The following KHDRBS2 variants were observed in gnomAD, a reference collection of about 807,000 sequenced individuals.
KHDRBS2 encodes the protein KH RNA binding domain containing, signal transduction associated 2.
In KHDRBS2, 26 loss-of-function variants were observed where a neutral mutation model predicts 44.3. The observed-to-expected ratio is 0.59, with a 90% CI of 0.43 to 0.81. The LOEUF (loss-of-function observed/expected upper bound fraction) is 0.81. Ranked by LOEUF, KHDRBS2 falls within the 40% of genes least tolerant of loss-of-function variation. The pLI is 0.00. For synonymous variants in KHDRBS2, 194 were observed against 151.1 expected (o/e 1.28, Z -2.08); for missense variants, 476 against 433.1 (o/e 1.10, Z -0.88).
Position 61,740,607 on chromosome 6 carries a change from G to T in KHDRBS2, c.811-7843C>A, listed in dbSNP as rs574930020. On this transcript the variant is annotated intron_variant, in intron 6 of 8. Transcript: ENST00000281156. ...CATAGTTACTGTAAAGTCCCTGAATGATAACTCTAACATCTGAATTACCCA... is the reference window on the plus strand; with the variant it reads ...CATAGTTACTGTAAAGTCCCTGAATTATAACTCTAACATCTGAATTACCCA... Among the ~76,000 whole-genome samples the T allele has an allele frequency of 1.6e-3, 237 of 151,980 alleles. 1 individual carries two copies. Among genetic ancestry groups the T allele is most frequent in the African/African-American group, 5.3e-3 (221 of 41,512 alleles).
chr6:61,545,655 CCT>C, the KHDRBS2 span, among the ~76,000 whole-genome samples: 2 of 151,930 alleles, frequency 1.3e-5, no homozygotes, highest in African/African-American at 4.8e-5. Context: ...AAACTGAGAT[CCT>C]CTCTGTTATA....
chr6:61,711,041 C>G (rs953907250), intron 7 of KHDRBS2, among the ~76,000 whole-genome samples: 1 of 150,420 alleles, frequency 6.6e-6, no homozygotes, highest in Non-Finnish European at 1.5e-5. Flanking sequence ...TAATCAAAGC[C>G]TGAGCAATAC....
intron 6 of KHDRBS2, among the ~76,000 whole-genome samples, chr6:61,737,303 G>A (rs1273767136): frequency 1.3e-5 from 2 of 152,144 alleles, no homozygotes; most frequent in Non-Finnish European, 1.5e-5. Flanking sequence ...ATAGTGCAAT[G>A]TTCCCCACAT....
At chr6:61,712,576 A>G (rs749997576) in intron 7 of KHDRBS2, among the ~76,000 whole-genome samples, 7 of 151,902 alleles carry the variant, frequency 4.6e-5, no homozygotes, top group Non-Finnish European at 8.8e-5. Context: ...TTGGAACTGG[A>G]CAGAAACCAG....
intron 1 of KHDRBS2, among the ~76,000 whole-genome samples, chr6:62,220,017 TAAAA>T (rs1244241875): frequency 3.3e-5 from 5 of 150,040 alleles, no homozygotes; most frequent in African/African-American, 4.9e-5. Context: ...TTTTTAAAAA[TAAAA>T]AAGACAAAGA....
intron 3 of KHDRBS2, among the ~76,000 whole-genome samples, chr6:62,029,141 A>C (rs548028976): frequency 6.6e-6 from 1 of 152,108 alleles, no homozygotes; most frequent in South Asian, 2.1e-4. Flanking sequence ...TTATATTTTA[A>C]ATTTTTATAT....
chr6:61,859,793 A>T (rs1275800932), intron 6 of KHDRBS2, among the ~76,000 whole-genome samples: 1 of 152,038 alleles, frequency 6.6e-6, no homozygotes, highest in African/African-American at 2.4e-5. Flanking sequence ...GAAAAAGGCA[A>T]TTGAGAAGAG....
At chr6:62,254,467 G>T (rs1466778725) in intron 1 of KHDRBS2, among the ~76,000 whole-genome samples, 1 of 152,034 alleles carries the variant, frequency 6.6e-6, no homozygotes, top group Non-Finnish European at 1.5e-5. Context: ...GAGGTTACTT[G>T]ATTTATACCA....
At chr6:62,048,965 C>T (rs1243973959) in intron 2 of KHDRBS2, among the ~76,000 whole-genome samples, 1 of 151,556 alleles carries the variant, frequency 6.6e-6, no homozygotes, top group Non-Finnish European at 1.5e-5. Flanking sequence ...TTTTCCTTTT[C>T]TCTTCCCTTC....
chr6:62,057,763 G>GTT (rs1394919844), intron 2 of KHDRBS2, among the ~76,000 whole-genome samples: 1 of 151,866 alleles, frequency 6.6e-6, no homozygotes, highest in East Asian at 1.9e-4. Flanking sequence ...ATTCACACGT[G>GTT]TTTAAGACAA....
At chr6:62,160,722 G>C (rs2150111578) in intron 2 of KHDRBS2, among the ~76,000 whole-genome samples, 1 of 152,240 alleles carries the variant, frequency 6.6e-6, no homozygotes, top group Non-Finnish European at 1.5e-5. Context: ...AGAAAACGAT[G>C]ACTTAGGCCA....
chr6:61,741,834 T>C (rs945660619), intron 6 of KHDRBS2, among the ~76,000 whole-genome samples: 1 of 151,982 alleles, frequency 6.6e-6, no homozygotes, highest in African/African-American at 2.4e-5. Context: ...ATATGAAATG[T>C]CATTCTGACT....
At chr6:61,902,680 A>C (rs1337922678) in intron 4 of KHDRBS2, among the ~76,000 whole-genome samples, 1 of 152,156 alleles carries the variant, frequency 6.6e-6, no homozygotes, top group Admixed American at 6.5e-5. Flanking sequence ...CCAGGAGTTA[A>C]CACTATATTT....
chr6:62,046,519 C>T (rs1451736128), intron 3 of KHDRBS2, among the ~76,000 whole-genome samples: 1 of 151,378 alleles, frequency 6.6e-6, no homozygotes, highest in Non-Finnish European at 1.5e-5. Context: ...TGTGTGAGAC[C>T]GTAAAAACAC....
chr6:62,261,225 A>G (rs577581446), intron 1 of KHDRBS2, among the ~76,000 whole-genome samples: 49 of 152,054 alleles, frequency 3.2e-4, no homozygotes, highest in Admixed American at 7.2e-4. Flanking sequence ...TCAACTCATT[A>G]GGGCATAAAT....
chr6:62,260,036 T>C (rs73760341), intron 1 of KHDRBS2, among the ~76,000 whole-genome samples: 1,747 of 152,068 alleles, frequency 0.011, 36 homozygotes, highest in African/African-American at 0.039. Context: ...CATGTAGTGC[T>C]ATACATAGAA....
intron 2 of KHDRBS2, among the ~76,000 whole-genome samples, chr6:62,098,613 G>A (rs1442982199): frequency 6.6e-6 from 1 of 152,098 alleles, no homozygotes; most frequent in East Asian, 1.9e-4. Flanking sequence ...ATTATGATAT[G>A]TCTTGGGGAA....
chr6:61,844,960 G>GT (rs1245336250), intron 6 of KHDRBS2, among the ~76,000 whole-genome samples: 1 of 152,042 alleles, frequency 6.6e-6, no homozygotes, highest in African/African-American at 2.4e-5. Context: ...TTTGGAAATT[G>GT]TATCTGCTTT....
At chr6:61,895,044 C>T (rs543287032) in intron 5 of KHDRBS2, among the ~76,000 whole-genome samples, 6 of 151,002 alleles carry the variant, frequency 4.0e-5, no homozygotes, top group African/African-American at 1.5e-4. Flanking sequence ...ATTGTAAACA[C>T]TGACTATGAT....
Sources: allele counts gnomAD v4.1 joint callset (sites outside exome capture counted in the v4.1 genomes callset), GRCh38; gene constraint gnomAD v4.1.1; transcripts MANE v1.5; gene names NCBI Gene and HGNC (gene_info 2026-07-23, HGNC 2026-07-21).